PPP2R2B: variants seen among roughly 807,000 people sequenced by gnomAD.
PPP2R2B encodes protein phosphatase 2 regulatory subunit Bbeta, also known as serine/threonine-protein phosphatase 2A 55 kDa regulatory subunit B beta isoform.
A neutral mutation model predicts 46.0 loss-of-function variants in PPP2R2B; 5 were observed. The observed-to-expected ratio is 0.11, with a 90% CI of 0.06 to 0.23. The LOEUF (loss-of-function observed/expected upper bound fraction) is 0.23. Ranked by LOEUF, PPP2R2B falls within the 10% of genes least tolerant of loss-of-function variation. The pLI is 1.00. For synonymous variants in PPP2R2B, 215 were observed against 206.7 expected (o/e 1.04, Z -0.34); for missense variants, 367 against 575.0 (o/e 0.64, Z 3.70).
intron 2 of PPP2R2B, among the ~76,000 whole-genome samples, chr5:146,862,722 T>A (rs1284610935): frequency 6.6e-6 from 1 of 151,668 alleles, no homozygotes; most frequent in Admixed American, 6.6e-5. Flanking sequence ...AGGAGAAAAC[T>A]GTGAACAGAC....
chr5:147,032,104 C>T (rs1755812443), intron 1 of PPP2R2B, among the ~76,000 whole-genome samples: 2 of 152,104 alleles, frequency 1.3e-5, no homozygotes, highest in Non-Finnish European at 2.9e-5. Flanking sequence ...GCAGAGTAAA[C>T]AGACAACCTA....
chr5:146,856,733 C>G, intron 2 of PPP2R2B: 1 of 632,202 alleles, frequency 1.6e-6, no homozygotes, highest in Non-Finnish European at 2.8e-6. Flanking sequence ...TCCAGGCTAA[C>G]AAGGTAACAC....
chr5:146,591,882 C>T (rs1246845015), intron 9 of PPP2R2B, among the ~76,000 whole-genome samples: 1 of 152,068 alleles, frequency 6.6e-6, no homozygotes, highest in Non-Finnish European at 1.5e-5. Flanking sequence ...ACGATGGAAG[C>T]AATCTTGTTA....
chr5:146,704,200 T>G (rs1432415081), intron 2 of PPP2R2B, among the ~76,000 whole-genome samples: 1 of 152,240 alleles, frequency 6.6e-6, no homozygotes, highest in Non-Finnish European at 1.5e-5. Context: ...ACATTCCAAT[T>G]TCAAGATACT....
chr5:146,996,643 A>G (rs1171795794), intron 1 of PPP2R2B, among the ~76,000 whole-genome samples: 1 of 152,210 alleles, frequency 6.6e-6, no homozygotes. Flanking sequence ...ACAGTGACAA[A>G]GAGGGCCTGG....
intron 5 of PPP2R2B, among the ~76,000 whole-genome samples, chr5:146,682,110 CG>C (rs1432734467): frequency 1.3e-5 from 2 of 152,146 alleles, no homozygotes; most frequent in African/African-American, 2.4e-5. Context: ...CTTATATTTA[CG>C]TCTATGTTGG....
chr5:146,972,902 T>A (rs576947481), intron 1 of PPP2R2B, among the ~76,000 whole-genome samples: 1 of 152,316 alleles, frequency 6.6e-6, no homozygotes, highest in East Asian at 1.9e-4. Flanking sequence ...CTTTTCTCTG[T>A]AATGCAAATT....
intron 2 of PPP2R2B, among the ~76,000 whole-genome samples, chr5:147,078,123 A>G (rs1003353523): frequency 2.0e-5 from 3 of 152,192 alleles, no homozygotes; most frequent in African/African-American, 7.2e-5. Flanking sequence ...TATCCTCATA[A>G]GTAATGTAGG....
chr5:146,635,964 A>T (rs1384358834), intron 7 of PPP2R2B, among the ~76,000 whole-genome samples: 1 of 152,162 alleles, frequency 6.6e-6, no homozygotes, highest in Non-Finnish European at 1.5e-5. Flanking sequence ...CACTAATGTC[A>T]CTTATAACAC....
chr5:146,985,018 T>G (rs1303564099), intron 1 of PPP2R2B, among the ~76,000 whole-genome samples: 1 of 22,310 alleles, frequency 4.5e-5, no homozygotes, highest in Non-Finnish European at 1.7e-4. Context: ...TTTCTTTTTC[T>G]TTTTTTTTTT....
In PPP2R2B at chr5:146,811,471, A is replaced by G. The variant is rs74994441; in HGVS notation, c.70+66531T>C. On this transcript the variant is annotated intron_variant, in intron 2 of 9. Transcript: ENST00000394411. ...CTCCTGCCATTTGCTATCCTAATGC[A>G]CATTAAACTTTATAGCAATTTCTTT... Among the ~76,000 whole-genome samples, 481 of 152,082 alleles carry G rather than the reference A, an allele frequency of 3.2e-3. 2 individuals carry two copies. The highest frequency in any genetic ancestry group is 0.011 in the African/African-American group (457 of 41,464).
chr5:147,026,343 T>C (rs1755526798), intron 1 of PPP2R2B, among the ~76,000 whole-genome samples: 1 of 152,132 alleles, frequency 6.6e-6, no homozygotes, highest in South Asian at 2.1e-4. Context: ...AAAACAATGA[T>C]GCTGAGTTAA....
chr5:147,074,271 T>C (rs917317179), intron 2 of PPP2R2B, among the ~76,000 whole-genome samples: 2 of 152,148 alleles, frequency 1.3e-5, no homozygotes, highest in Non-Finnish European at 2.9e-5. Context: ...TGATTACAAA[T>C]TGGTGCCTAA....
chr5:146,790,279 A>G (rs1013528871), intron 2 of PPP2R2B, among the ~76,000 whole-genome samples: 1 of 152,240 alleles, frequency 6.6e-6, no homozygotes, highest in East Asian at 1.9e-4. Flanking sequence ...GAGAGGAGAA[A>G]CACCAGAGAA....
intron 2 of PPP2R2B, among the ~76,000 whole-genome samples, chr5:146,817,926 T>A (rs1758026097): frequency 6.6e-6 from 1 of 152,248 alleles, no homozygotes; most frequent in Admixed American, 6.5e-5. Flanking sequence ...TTGCTCACAC[T>A]GCTCTGCACC....
intron 1 of PPP2R2B, among the ~76,000 whole-genome samples, chr5:147,036,166 C>T (rs1376791004): frequency 6.6e-6 from 1 of 152,130 alleles, no homozygotes; most frequent in Non-Finnish European, 1.5e-5. Context: ...TCCATCCTCC[C>T]ACCCTCCACC....
chr5:146,783,124 A>G lies in PPP2R2B; in HGVS notation c.71-81982T>C, dbSNP rs114393556. Among the ~76,000 whole-genome samples, 987 of 152,356 alleles carry G rather than the reference A, an allele frequency of 6.5e-3. 15 individuals carry two copies. Among genetic ancestry groups the G allele is most frequent in the African/African-American group, 0.022 (931 of 41,580 alleles). On this transcript the variant is annotated intron_variant, in intron 2 of 9. Coordinates refer to ENST00000394411, the MANE Select transcript of PPP2R2B (RefSeq NM_181675.4). ...GAATAAAGGATAGGTTAAACAAATT[A>G]AGATTAATGTCATGGGCTTTATAAA...
In PPP2R2B at chr5:146,842,926, C is replaced by G. The variant is rs1418527073; in HGVS notation, c.70+35076G>C. 2.6e-5 allele frequency among the ~76,000 whole-genome samples: 4 copies of G among 152,334 alleles called. No homozygotes were observed. The East Asian group carries it at 7.7e-4, about 29-fold the overall frequency. The stretch of plus-strand genomic sequence containing the variant: ...AAAATTGGCTGGGCGCGGTGGCTCA[C>G]GCCTGTAATCCCAGAACTTTGGGAG... On this transcript the variant is annotated intron_variant, in intron 2 of 9. Coordinates refer to ENST00000394411, the MANE Select transcript of PPP2R2B (RefSeq NM_181675.4).
At chr5:146,863,628 C>G (rs1343214564) in intron 2 of PPP2R2B, among the ~76,000 whole-genome samples, 1 of 149,622 alleles carries the variant, frequency 6.7e-6, no homozygotes, top group Non-Finnish European at 1.5e-5. Context: ...ATTCAACTGC[C>G]CATCCATCCA....
Sources: allele counts gnomAD v4.1 joint callset (sites outside exome capture counted in the v4.1 genomes callset), GRCh38; gene constraint gnomAD v4.1.1; transcripts MANE v1.5; gene names NCBI Gene and HGNC (gene_info 2026-07-23, HGNC 2026-07-21).